Variants in PTPRD observed in about 807,000 individuals in gnomAD.
The protein encoded by PTPRD is receptor-type tyrosine-protein phosphatase delta.
A neutral mutation model predicts 214.5 loss-of-function variants in PTPRD; 34 were observed. The observed-to-expected ratio is 0.16, with a 90% CI of 0.12 to 0.21. PTPRD has a LOEUF of 0.21. PTPRD is among the 10% of genes least tolerant of loss of function. The pLI, the probability that PTPRD is intolerant of heterozygous loss-of-function variation, is 1.00. For synonymous variants in PTPRD, 1,128 were observed against 845.7 expected (o/e 1.33, Z -5.79); for missense variants, 2,545 against 2,398.7 (o/e 1.06, Z -1.27).
rs2060813226 is a variant in PTPRD, at chr9:9,852,892, AG to A, written c.-368+85614del. On this transcript the variant is annotated intron_variant, in intron 5 of 45. Coordinates refer to ENST00000381196, the MANE Select transcript of PTPRD (RefSeq NM_002839.4). ...AAATCTACACAATAGCAGATCAAGT[AG>A]GGGCTCTTGATCTGTGCACTATACC... Among the ~76,000 whole-genome samples the A allele has an allele frequency of 2.6e-5, 4 of 152,282 alleles. No individual in the cohort carries two copies. The South Asian group carries it at 8.3e-4, about 32-fold the overall frequency.
chr9:8,570,565 A>AT lies in PTPRD; in HGVS notation c.353-41787dup, dbSNP rs137972803. On this transcript the variant is annotated intron_variant, in intron 14 of 45. Transcript: ENST00000381196. ...GGTAGGTTTTAATAATAACAAATAC[A>AT]TTTTTTTTTACACCAATGACTGCCC... Among the ~76,000 whole-genome samples the AT allele has an allele frequency of 2.5e-3, 383 of 151,522 alleles. 2 individuals are homozygous for AT. Among genetic ancestry groups the AT allele is most frequent in the African/African-American group, 8.5e-3 (351 of 41,340 alleles).
intron 11 of PTPRD, among the ~76,000 whole-genome samples, chr9:9,002,771 G>A (rs1324785036): frequency 6.6e-6 from 1 of 152,004 alleles, no homozygotes; most frequent in Non-Finnish European, 1.5e-5. Context: ...AGGAATTGAG[G>A]AAGTTGTTCT....
intron 35 of PTPRD, among the ~76,000 whole-genome samples, chr9:8,418,219 C>CTTTTTTTTTTTTTTTTTTTTTTTTT (rs370640821): frequency 1.3e-5 from 2 of 150,188 alleles, no homozygotes; most frequent in Non-Finnish European, 3.0e-5. Flanking sequence ...CTTTCTTATC[C>CTTTTTTTTTTTTTTTTTTTTTTTTT]TTTTCTTTTT....
At chr9:10,156,316 G>C (rs542482672) in intron 3 of PTPRD, among the ~76,000 whole-genome samples, 3 of 152,228 alleles carry the variant, frequency 2.0e-5, no homozygotes, top group South Asian at 4.1e-4. Context: ...CTATGTGCCA[G>C]AGATTCTGGT....
intron 7 of PTPRD, among the ~76,000 whole-genome samples, chr9:9,641,433 T>C (rs1343251036): frequency 6.6e-6 from 1 of 152,120 alleles, no homozygotes; most frequent in Non-Finnish European, 1.5e-5. Flanking sequence ...CAAAGATAAG[T>C]AAGGGATTCA....
At chr9:9,090,603 T>C (rs1014136147) in intron 10 of PTPRD, among the ~76,000 whole-genome samples, 1 of 152,190 alleles carries the variant, frequency 6.6e-6, no homozygotes, top group African/African-American at 2.4e-5. Flanking sequence ...TATAAGCCTA[T>C]TTTTGGATGA....
intron 3 of PTPRD, among the ~76,000 whole-genome samples, chr9:10,300,578 G>C (rs896421159): frequency 6.6e-6 from 1 of 152,178 alleles, no homozygotes. Flanking sequence ...GCTTGGTGAG[G>C]GAAGGGGCGT....
At chr9:9,791,268 G>T (rs1202714037) in intron 5 of PTPRD, among the ~76,000 whole-genome samples, 3 of 152,110 alleles carry the variant, frequency 2.0e-5, no homozygotes, top group East Asian at 3.8e-4. Flanking sequence ...AATGAAAAAG[G>T]TGTTCTGGAA....
chr9:8,929,780 G>GTATAT (rs1272978143), intron 11 of PTPRD, among the ~76,000 whole-genome samples: 5 of 82,420 alleles, frequency 6.1e-5, no homozygotes, highest in Non-Finnish European at 1.1e-4. Flanking sequence ...TATATATATG[G>GTATAT]GTGTGTATAT....
rs749354568 is a variant in PTPRD, at chr9:8,490,563, G to T, written c.2467+2299C>A. ...ACTGAAATTCATGTAAAAATATACA[G>T]AAAATGTCAAACCAATGAATTTTCT... is the stretch of plus-strand genomic sequence containing the variant. On this transcript the variant is annotated intron_variant, in intron 27 of 45. Coordinates refer to ENST00000381196, the MANE Select transcript of PTPRD (RefSeq NM_002839.4). Among the ~76,000 whole-genome samples the T allele has an allele frequency of 3.3e-5, 5 of 152,226 alleles. No homozygotes were observed. In the South Asian group the frequency reaches 1.0e-3, roughly 32 times the overall value.
At chr9:10,060,023 T>G (rs769064295) in intron 3 of PTPRD, among the ~76,000 whole-genome samples, 1 of 152,146 alleles carries the variant, frequency 6.6e-6, no homozygotes, top group Non-Finnish European at 1.5e-5. Context: ...GAAAAAATCT[T>G]TATGAATTTC....
chr9:10,162,712 T>TATATATACAC (rs2099135902), intron 3 of PTPRD, among the ~76,000 whole-genome samples: 1 of 146,484 alleles, frequency 6.8e-6, no homozygotes, highest in African/African-American at 2.5e-5. Context: ...TATACACGTA[T>TATATATACAC]ATATATACAT....
At chr9:9,163,124 G>C (rs946374977) in intron 10 of PTPRD, among the ~76,000 whole-genome samples, 15 of 151,892 alleles carry the variant, frequency 9.9e-5, no homozygotes, top group Non-Finnish European at 1.9e-4. Flanking sequence ...CCTCACTCTA[G>C]GACTTATTAA....
At chr9:10,178,939 G>A (rs1213821933) in intron 3 of PTPRD, among the ~76,000 whole-genome samples, 1 of 151,846 alleles carries the variant, frequency 6.6e-6, no homozygotes, top group South Asian at 2.1e-4. Flanking sequence ...ATAAATACAG[G>A]TGAGGAAATA....
At chr9:8,407,704 A>G (rs990473377) in intron 35 of PTPRD, among the ~76,000 whole-genome samples, 1 of 152,202 alleles carries the variant, frequency 6.6e-6, no homozygotes, top group Non-Finnish European at 1.5e-5. Flanking sequence ...TTGGCTTCAC[A>G]TGGATGATAA....
intron 4 of PTPRD, among the ~76,000 whole-genome samples, chr9:10,027,682 A>C (rs1486827215): frequency 6.6e-6 from 1 of 152,148 alleles, no homozygotes; most frequent in Non-Finnish European, 1.5e-5. Flanking sequence ...TGGTTATGGC[A>C]AAAAATACAT....
chr9:10,362,142 T>C (rs1565542727), intron 2 of PTPRD, among the ~76,000 whole-genome samples: 1 of 152,088 alleles, frequency 6.6e-6, no homozygotes, highest in Non-Finnish European at 1.5e-5. Flanking sequence ...AATTTGTACA[T>C]AAGCCAAAGC....
In PTPRD at chr9:8,315,553, A is replaced by C. The variant is rs545302702; in HGVS notation, c.*2321T>G. ...GAAAATAATGATAACAGACCCACATAGTGCACATTCTTCTCTGGTTCTGAT... is the reference window on the plus strand; with the variant it reads ...GAAAATAATGATAACAGACCCACATCGTGCACATTCTTCTCTGGTTCTGAT... On this transcript the variant is annotated 3_prime_UTR_variant, in exon 46 of 46. Coordinates refer to ENST00000381196, the MANE Select transcript of PTPRD (RefSeq NM_002839.4). The C allele has an allele frequency of 1.1e-4, 26 of 230,770 alleles. No individual in the cohort carries two copies. Among genetic ancestry groups the C allele is most frequent in the Non-Finnish European group, 2.1e-4 (24 of 116,210 alleles). The allele number at this position is 230,770 out of a possible 1,614,324, so 14.3% of individuals were successfully genotyped here.
At chr9:9,870,055 G>A (rs558216110) in intron 5 of PTPRD, among the ~76,000 whole-genome samples, 9 of 152,028 alleles carry the variant, frequency 5.9e-5, no homozygotes, top group Admixed American at 1.3e-4. Flanking sequence ...GTATCTACAG[G>A]TACTTGATAC....
Sources: allele counts gnomAD v4.1 joint callset (sites outside exome capture counted in the v4.1 genomes callset), GRCh38; gene constraint gnomAD v4.1.1; transcripts MANE v1.5; gene names NCBI Gene and HGNC (gene_info 2026-07-23, HGNC 2026-07-21).